The following THRB variants were observed in gnomAD, a reference collection of about 807,000 sequenced individuals.
THRB encodes nuclear receptor subfamily 1 group A member 2.
A neutral mutation model predicts 47.8 loss-of-function variants in THRB; 12 were observed. The ratio of observed to expected loss-of-function variants is 0.25; its 90% CI spans 0.16 to 0.41. The LOEUF (loss-of-function observed/expected upper bound fraction) is 0.41, where lower values mean the gene tolerates loss of function less well. Ranked by LOEUF, THRB falls within the 10% of genes least tolerant of loss-of-function variation. The pLI, the probability that THRB is intolerant of heterozygous loss-of-function variation, is 1.00. For missense variants in THRB, 348 were observed against 589.2 expected (o/e 0.59, Z 4.24); for synonymous variants, 218 against 212.2 (o/e 1.03, Z -0.24).
At chr3:24,207,119 G>A (rs1040469681) in intron 4 of THRB, among the ~76,000 whole-genome samples, 6 of 152,166 alleles carry the variant, frequency 3.9e-5, no homozygotes, top group Non-Finnish European at 7.4e-5. Flanking sequence ...AATAGAAAAA[G>A]AGGGAATCCT....
At chr3:24,487,341 C>G (rs1381097948) in intron 1 of THRB, among the ~76,000 whole-genome samples, 1 of 148,306 alleles carries the variant, frequency 6.7e-6, no homozygotes, top group Non-Finnish European at 1.5e-5. Flanking sequence ...TTTAGACACA[C>G]AAGCACACAC....
At chr3:24,214,793 C>T (rs2046401409) in intron 4 of THRB, among the ~76,000 whole-genome samples, 1 of 152,206 alleles carries the variant, frequency 6.6e-6, no homozygotes, top group Admixed American at 6.5e-5. Flanking sequence ...GTAAAGGAGG[C>T]TTAGCAATGG....
chr3:24,364,431 G>A (rs545079982), intron 1 of THRB, among the ~76,000 whole-genome samples: 2 of 152,214 alleles, frequency 1.3e-5, no homozygotes, highest in East Asian at 3.9e-4. Context: ...ATAGCTAATA[G>A]TAAGGATCTA....
intron 1 of THRB, among the ~76,000 whole-genome samples, chr3:24,469,571 GAA>G (rs1417890958): frequency 2.6e-5 from 4 of 152,136 alleles, no homozygotes; most frequent in Admixed American, 2.6e-4. Context: ...ACCTACTTCT[GAA>G]GAGTATAATG....
chr3:24,229,407 T>C (rs778388302), intron 3 of THRB, among the ~76,000 whole-genome samples: 10 of 152,244 alleles, frequency 6.6e-5, no homozygotes, highest in Middle Eastern at 3.4e-3. Flanking sequence ...TTGTGAGAAA[T>C]AGAAAATTTG....
intron 5 of THRB, among the ~76,000 whole-genome samples, chr3:24,180,680 G>C (rs2041784403): frequency 6.6e-6 from 1 of 152,160 alleles, no homozygotes; most frequent in South Asian, 2.1e-4. Flanking sequence ...AATCAAGAAG[G>C]CTGAACTGGC....
At chr3:24,198,466 C>CT (rs869282949) in intron 4 of THRB, among the ~76,000 whole-genome samples, 2 of 61,454 alleles carry the variant, frequency 3.3e-5, no homozygotes, top group African/African-American at 1.1e-4. Context: ...CCCCCCCCCC[C>CT]TTTTTTTTTT....
chr3:24,254,904 C>A (rs2051093678), intron 3 of THRB, among the ~76,000 whole-genome samples: 1 of 152,166 alleles, frequency 6.6e-6, no homozygotes, highest in Non-Finnish European at 1.5e-5. Flanking sequence ...TTCTATGAGC[C>A]CCTGACAGCT....
At chr3:24,489,655 A>T (rs1697841935) in intron 1 of THRB, among the ~76,000 whole-genome samples, 2 of 152,216 alleles carry the variant, frequency 1.3e-5, no homozygotes, top group South Asian at 4.1e-4. Context: ...ATAGCACTGC[A>T]CAAGAGCTGA....
At chr3:24,465,175 T>A (rs1210241397) in intron 1 of THRB, among the ~76,000 whole-genome samples, 5 of 152,188 alleles carry the variant, frequency 3.3e-5, no homozygotes, top group Admixed American at 1.3e-4. Flanking sequence ...TTTTAATTCA[T>A]CCTTAGTTTT....
chr3:24,385,981 A>C lies in THRB; in HGVS notation c.-260-48610T>G, dbSNP rs2066069975. 2.6e-5 allele frequency among the ~76,000 whole-genome samples: 4 copies of C among 152,076 alleles called. 1 individual carries two copies. In the South Asian group the frequency reaches 8.3e-4, roughly 32 times the overall value. ...GGATGTACAATATGACTTTCTTAAA[A>C]ATTACTTCCTTTATCCTCTATTTAA... On this transcript the variant is annotated intron_variant, in intron 1 of 10. Coordinates refer to ENST00000646209, the MANE Select transcript of THRB (RefSeq NM_001354712.2).
At chr3:24,318,511 A>G (rs1489274365) in intron 2 of THRB, 1 of 152,168 alleles carries the variant, frequency 6.6e-6, no homozygotes, top group Non-Finnish European at 1.5e-5. Context: ...ATACATACAC[A>G]TTTTGCAAAG....
rs554477266 is a variant in THRB, at chr3:24,281,266, G to C, written c.-43+15960C>G. Among the ~76,000 whole-genome samples the C allele has an allele frequency of 9.2e-5, 14 of 152,188 alleles. 1 individual carries two copies. The South Asian group carries it at 2.5e-3, about 27-fold the overall frequency. ...GGCAGAAACTCTACAAGCCAGAAGA[G>C]AGTGGGGGCCAATATTCAACATTCT... On this transcript the variant is annotated intron_variant, in intron 3 of 10. Transcript: ENST00000646209.
intron 3 of THRB, among the ~76,000 whole-genome samples, chr3:24,263,616 G>T (rs1160193495): frequency 6.8e-6 from 1 of 147,218 alleles, no homozygotes; most frequent in Non-Finnish European, 1.5e-5. Context: ...GGGGTTACAG[G>T]CCTTTTTTTT....
At chr3:24,350,915 C>T (rs2149534679) in intron 1 of THRB, among the ~76,000 whole-genome samples, 1 of 152,138 alleles carries the variant, frequency 6.6e-6, no homozygotes, top group Admixed American at 6.6e-5. Flanking sequence ...GTGATGGGAC[C>T]TACAGCTTAC....
At chr3:24,267,494 G>A (rs1327181545) in intron 3 of THRB, among the ~76,000 whole-genome samples, 1 of 152,100 alleles carries the variant, frequency 6.6e-6, no homozygotes, top group African/African-American at 2.4e-5. Context: ...TCAGCCTCCT[G>A]AAGCCTCTCC....
intron 1 of THRB, among the ~76,000 whole-genome samples, chr3:24,374,212 T>C (rs922277171): frequency 5.9e-5 from 9 of 151,706 alleles, no homozygotes; most frequent in African/African-American, 2.2e-4. Context: ...TAGTTTGTAC[T>C]ATGCTATATT....
At chr3:24,357,729 T>C (rs899089860) in intron 1 of THRB, among the ~76,000 whole-genome samples, 1 of 152,154 alleles carries the variant, frequency 6.6e-6, no homozygotes, top group Non-Finnish European at 1.5e-5. Context: ...CTTATTCCAT[T>C]TATAATTAAA....
At chr3:24,264,423 GCAGA>G (rs1336460223) in intron 3 of THRB, among the ~76,000 whole-genome samples, 1 of 152,058 alleles carries the variant, frequency 6.6e-6, no homozygotes, top group Non-Finnish European at 1.5e-5. Flanking sequence ...CTGAAAAGTT[GCAGA>G]CAAAGTTTGG....
Sources: gnomAD v4.1 joint callset for allele counts (sites outside exome capture counted in the v4.1 genomes callset) on GRCh38, gnomAD v4.1.1 for gene constraint, MANE v1.5 for transcripts, NCBI Gene and HGNC (gene_info 2026-07-23, HGNC 2026-07-21) for gene names.